DISC1: variants seen among roughly 807,000 people sequenced by gnomAD.
DISC1 encodes DISC1 scaffold protein.
A neutral mutation model predicts 84.5 loss-of-function variants in DISC1; 57 were observed. That is an observed-to-expected ratio of 0.67 (90% CI 0.55 to 0.84). DISC1 has a LOEUF of 0.84. Among genes scored for constraint, DISC1 ranks in the 40% least tolerant of loss-of-function variants. DISC1 has a pLI of 0.00. For synonymous variants in DISC1, 411 were observed against 415.2 expected, an observed-to-expected ratio of 0.99 and a Z score of 0.12; for missense variants, 1,000 against 1,057.8, an observed-to-expected ratio of 0.95 and a Z score of 0.76.
At chr1:231,975,673 A>G (rs116359775) in intron 10 of DISC1, among the ~76,000 whole-genome samples, 4,148 of 152,334 alleles carry the variant, frequency 0.027, 184 homozygotes, top group African/African-American at 0.095. Flanking sequence ...TGTCATTTGC[A>G]GCAACATGGA....
intron 9 of DISC1, among the ~76,000 whole-genome samples, chr1:231,847,774 A>G (rs1179755280): frequency 6.6e-6 from 1 of 152,162 alleles, no homozygotes; most frequent in African/African-American, 2.4e-5. Context: ...TCCAATGGAA[A>G]GCAGCCACCC....
chr1:231,850,471 GAAAATCTTCCCGAGTTGTGCGGAGCACAA>G (rs1192046944), intron 9 of DISC1, among the ~76,000 whole-genome samples: 1 of 152,240 alleles, frequency 6.6e-6, no homozygotes, highest in African/African-American at 2.4e-5. Context: ...TTGGGGTGAT[GAAAATCTTCCCGAGTTGTGCGGAGCACAA>G]AGTAGAACCT....
Position 232,009,367 on chromosome 1 carries a change from ATAGTTATTATATTC to A in DISC1, c.2307+319_2307+332del. On this transcript the variant is annotated intron_variant, in intron 11 of 12. Transcript: ENST00000439617. The surrounding 1 kb of genome is among the most constrained non-coding windows in gnomAD (Gnocchi z 4.6). ...ATACATTATATATGTCATATATAATATAGTTATTATATTCACTATAGATTATATATGCCATACAT... is the reference window on the plus strand; with the variant it reads ...ATACATTATATATGTCATATATAATAACTATAGATTATATATGCCATACAT... 1 of 852,260 alleles carries A rather than the reference ATAGTTATTATATTC, an allele frequency of 1.2e-6. No homozygotes were observed. The highest frequency in any genetic ancestry group is 1.5e-6 in the Non-Finnish European group (1 of 686,968). The allele number at this position is 852,260 out of a possible 1,614,324, so 52.8% of individuals were successfully genotyped here. A position where few individuals can be genotyped will look rare whatever the true frequency, so the allele number is the denominator to read the frequency against.
intron 11 of DISC1, among the ~76,000 whole-genome samples, chr1:232,024,943 A>T (rs1318577432): frequency 6.6e-6 from 1 of 152,100 alleles, no homozygotes; most frequent in African/African-American, 2.4e-5. Flanking sequence ...TTAAGGAAAT[A>T]TTATCTTTAC....
chr1:232,004,848 T>A (rs1459171856), intron 10 of DISC1, among the ~76,000 whole-genome samples: 1 of 105,440 alleles, frequency 9.5e-6, no homozygotes, highest in Non-Finnish European at 2.0e-5. Flanking sequence ...TCGCTCCATC[T>A]CTCCCTCCCT....
At chr1:231,744,702 A>G (rs1259094432) in intron 3 of DISC1, among the ~76,000 whole-genome samples, 1 of 152,208 alleles carries the variant, frequency 6.6e-6, no homozygotes. Flanking sequence ...TCATCACAGA[A>G]CAATTAAAAA....
At chr1:231,957,871 A>G (rs1659789707) in intron 9 of DISC1, among the ~76,000 whole-genome samples, 1 of 152,204 alleles carries the variant, frequency 6.6e-6, no homozygotes, top group Admixed American at 6.5e-5. Flanking sequence ...GAATCCCCAG[A>G]CACTCCAGTA....
At chr1:231,653,148 A>C (rs985159207) in intron 1 of DISC1, among the ~76,000 whole-genome samples, 1 of 152,218 alleles carries the variant, frequency 6.6e-6, no homozygotes, top group African/African-American at 2.4e-5. Context: ...TGGAATGTTC[A>C]TAGTTGTTGA....
At chr1:231,767,496 T>C (rs2076253940) in intron 5 of DISC1, among the ~76,000 whole-genome samples, 1 of 152,114 alleles carries the variant, frequency 6.6e-6, no homozygotes, top group Non-Finnish European at 1.5e-5. Flanking sequence ...CAGGTCTTAG[T>C]ATGTTGCTCA....
chr1:231,834,665 GGA>G (rs981294842), intron 9 of DISC1, among the ~76,000 whole-genome samples: 1 of 151,996 alleles, frequency 6.6e-6, no homozygotes, highest in African/African-American at 2.4e-5. Flanking sequence ...ACAGGCTAAG[GGA>G]GAAGAAGGGG....
chr1:231,784,925 T>C (rs922753475), intron 6 of DISC1, among the ~76,000 whole-genome samples: 1 of 152,184 alleles, frequency 6.6e-6, no homozygotes, highest in Non-Finnish European at 1.5e-5. Flanking sequence ...TTTATAGCCA[T>C]GTAGAATGGC....
At position 231,826,435 on chromosome 1, in the gene DISC1, A is replaced by AT. The variant is rs369341922; in HGVS notation, c.1981+7927dup. Among the ~76,000 whole-genome samples, 248 of 151,260 alleles carry AT rather than the reference A, an allele frequency of 1.6e-3. 1 individual carries two copies. Among genetic ancestry groups the AT allele is most frequent in the African/African-American group, 5.6e-3 (229 of 41,214 alleles). ...TGTTGAACATCCTGAAAAGACGGGT[A>AT]TTTTTTTTTCATTTTTGAAGTTTTC... On this transcript the variant is annotated intron_variant, in intron 9 of 12. Transcript: ENST00000439617. The surrounding 1 kb of genome is among the most constrained non-coding windows in gnomAD (Gnocchi z 4.2).
At chr1:231,895,309 AT>A (rs2087596764) in intron 9 of DISC1, among the ~76,000 whole-genome samples, 1 of 151,546 alleles carries the variant, frequency 6.6e-6, no homozygotes, top group African/African-American at 2.4e-5. Flanking sequence ...TATATTTAAA[AT>A]TTTTATAATA....
intron 9 of DISC1, among the ~76,000 whole-genome samples, chr1:231,869,826 C>G (rs1486382908): frequency 2.0e-5 from 3 of 152,076 alleles, no homozygotes; most frequent in Non-Finnish European, 4.4e-5. Context: ...TTGTGATGAT[C>G]TTGAGATGAA....
At chr1:231,972,807 C>T (rs1662193429) in intron 10 of DISC1, among the ~76,000 whole-genome samples, 1 of 152,144 alleles carries the variant, frequency 6.6e-6, no homozygotes, top group Non-Finnish European at 1.5e-5. Context: ...ACTACCTGAA[C>T]TCAAGAGTAA....
intron 8 of DISC1, among the ~76,000 whole-genome samples, chr1:231,811,000 A>G (rs754147753): frequency 6.6e-5 from 10 of 152,126 alleles, no homozygotes; most frequent in African/African-American, 1.2e-4. Flanking sequence ...ATCTTTTGCT[A>G]TGGCCTGGCT....
At chr1:231,973,259 G>C (rs1316850371) in intron 10 of DISC1, among the ~76,000 whole-genome samples, 1 of 152,082 alleles carries the variant, frequency 6.6e-6, no homozygotes, top group Non-Finnish European at 1.5e-5. Flanking sequence ...TATTGGCCAG[G>C]CTGGTCTCGA....
chr1:231,886,766 C>CCGTCCTTTCTTTCTTT (rs2086724494), intron 9 of DISC1, among the ~76,000 whole-genome samples: 2 of 84,432 alleles, frequency 2.4e-5, no homozygotes, highest in African/African-American at 9.2e-5. Flanking sequence ...TTCCTTCCTT[C>CCGTCCTTTCTTTCTTT]CTTTCTTTCT....
At chr1:232,002,687 G>A (rs1772701) in intron 10 of DISC1, among the ~76,000 whole-genome samples, 43,197 of 150,882 alleles carry the variant, frequency 0.29, 6,406 homozygotes, top group African/African-American at 0.33. Flanking sequence ...TTTATACAAC[G>A]TTTTTGAAAT....
Sources: allele counts gnomAD v4.1 joint callset (sites outside exome capture counted in the v4.1 genomes callset), GRCh38; gene constraint gnomAD v4.1.1; non-coding constraint Gnocchi (gnomAD v3.1); transcripts MANE v1.5; gene names NCBI Gene and HGNC (gene_info 2026-07-23, HGNC 2026-07-21).